Variants in AOPEP observed in about 807,000 individuals in gnomAD.
The protein encoded by AOPEP is aminopeptidase O (putative).
Under a neutral mutation model 98.1 loss-of-function variants are expected in AOPEP, and 77 were observed. The ratio of observed to expected loss-of-function variants is 0.78; its 90% CI spans 0.65 to 0.95. AOPEP has a LOEUF of 0.95. Ranked by LOEUF, AOPEP falls within the 40% of genes least tolerant of loss-of-function variation. The pLI, the probability that AOPEP is intolerant of heterozygous loss-of-function variation, is 0.00. For missense variants in AOPEP, 1,024 were observed against 1,024.7 expected (o/e 1.00, Z 0.01); for synonymous variants, 346 against 365.3 (o/e 0.95, Z 0.60).
At chr9:94,789,935 G>A (rs1248173632) in intron 3 of AOPEP, among the ~76,000 whole-genome samples, 1 of 151,666 alleles carries the variant, frequency 6.6e-6, no homozygotes, top group Non-Finnish European at 1.5e-5. Context: ...GTGCAGTGGC[G>A]CAATCTCGGC....
chr9:95,096,525 C>T, the AOPEP span, among the ~76,000 whole-genome samples: 1 of 152,182 alleles, frequency 6.6e-6, no homozygotes, highest in Admixed American at 6.5e-5. Context: ...CAACAGGCGG[C>T]GGGCTCTCCG....
chr9:95,069,012 C>T (rs2068206615), intron 14 of AOPEP, among the ~76,000 whole-genome samples: 1 of 152,128 alleles, frequency 6.6e-6, no homozygotes, highest in Non-Finnish European at 1.5e-5. Flanking sequence ...TCCCTGTTGC[C>T]TCATGCACCC....
In AOPEP at chr9:94,906,464, T is replaced by TAATAAC. The variant is rs1342085772; in HGVS notation, c.1365-17517_1365-17516insCAATAA. Among the ~76,000 whole-genome samples the TAATAAC allele has an allele frequency of 2.4e-4, 29 of 123,382 alleles. 1 individual carries two copies. Among genetic ancestry groups the TAATAAC allele is most frequent in the Admixed American group, 4.9e-4 (6 of 12,130 alleles). 80.9% of individuals were successfully genotyped at this position (123,382 alleles called of 152,430 possible). On this transcript the variant is annotated intron_variant, in intron 5 of 16. Coordinates refer to ENST00000375315, the MANE Select transcript of AOPEP (RefSeq NM_001193329.3). The stretch of plus-strand genomic sequence containing the variant: ...AGTGAGACCCTGTCTGAAATAATAA[T>TAATAAC]AATAATAATAATAATAATAAAAAAA...
chr9:94,974,835 G>A (rs2059743280), intron 10 of AOPEP, among the ~76,000 whole-genome samples: 1 of 152,182 alleles, frequency 6.6e-6, no homozygotes, highest in African/African-American at 2.4e-5. Flanking sequence ...TCATAGCCAC[G>A]CACCAAAGGT....
intron 10 of AOPEP, among the ~76,000 whole-genome samples, chr9:94,968,527 C>T (rs2059345586): frequency 6.6e-6 from 1 of 151,688 alleles, no homozygotes; most frequent in Non-Finnish European, 1.5e-5. Context: ...CAGGGGTGTG[C>T]CACCACACCC....
At chr9:94,978,390 CA>C (rs572303185) in intron 10 of AOPEP, among the ~76,000 whole-genome samples, 20 of 146,056 alleles carry the variant, frequency 1.4e-4, no homozygotes, top group South Asian at 4.4e-4. Context: ...TTCATTCATT[CA>C]AAAAAAAAAT....
intron 5 of AOPEP, among the ~76,000 whole-genome samples, chr9:94,853,418 C>T (rs1454171389): frequency 2.6e-5 from 4 of 152,048 alleles, no homozygotes; most frequent in East Asian, 1.9e-4. Flanking sequence ...TGAGATTGCG[C>T]CACTGCACTC....
intron 9 of AOPEP, among the ~76,000 whole-genome samples, chr9:94,957,419 G>C (rs1393217811): frequency 6.6e-6 from 1 of 152,136 alleles, no homozygotes. Context: ...TGTTGGCCAG[G>C]CTGGTCTTGA....
At chr9:95,119,645 T>C in the AOPEP span, among the ~76,000 whole-genome samples, 2 of 152,224 alleles carry the variant, frequency 1.3e-5, no homozygotes, top group African/African-American at 4.8e-5. Flanking sequence ...ATTACAGGCA[T>C]GAGCCACCGT....
chr9:95,137,473 G>A, the AOPEP span, among the ~76,000 whole-genome samples: 9 of 152,040 alleles, frequency 5.9e-5, no homozygotes, highest in South Asian at 2.1e-4. Flanking sequence ...GGCAGGCCCC[G>A]TTCCTCATCT....
intron 1 of AOPEP, among the ~76,000 whole-genome samples, chr9:94,747,533 A>G (rs1398236991): frequency 1.3e-5 from 2 of 152,242 alleles, no homozygotes; most frequent in African/African-American, 4.8e-5. Flanking sequence ...AAAGAAAAAT[A>G]AATAGGCATG....
chr9:94,788,430 CTTA>C (rs1844918463), intron 3 of AOPEP, among the ~76,000 whole-genome samples: 1 of 150,710 alleles, frequency 6.6e-6, no homozygotes, highest in African/African-American at 2.4e-5. Flanking sequence ...AAAACTGTGA[CTTA>C]TTATTTCTGT....
At chr9:94,903,153 G>A (rs910697648) in intron 5 of AOPEP, among the ~76,000 whole-genome samples, 4 of 151,524 alleles carry the variant, frequency 2.6e-5, no homozygotes, top group Non-Finnish European at 4.4e-5. Context: ...GCTAATTTTT[G>A]TCTTTTTTGT....
At chr9:94,743,071 C>T (rs1484879760) in intron 1 of AOPEP, among the ~76,000 whole-genome samples, 3 of 151,996 alleles carry the variant, frequency 2.0e-5, no homozygotes, top group Admixed American at 6.6e-5. Context: ...GTTCTGGAGA[C>T]AGGCATGTAA....
intron 11 of AOPEP, among the ~76,000 whole-genome samples, chr9:94,987,182 T>C (rs1052379283): frequency 5.3e-5 from 8 of 152,222 alleles, no homozygotes; most frequent in Non-Finnish European, 1.5e-5. Flanking sequence ...GCTTAATAAT[T>C]CAATAGGAAA....
intron 11 of AOPEP, among the ~76,000 whole-genome samples, chr9:94,997,777 T>C (rs1319341617): frequency 6.6e-6 from 1 of 152,228 alleles, no homozygotes; most frequent in Non-Finnish European, 1.5e-5. Context: ...CACTGGAGCC[T>C]CAAACTCCAG....
chr9:94,814,801 C>G (rs1429909363), intron 5 of AOPEP, among the ~76,000 whole-genome samples: 1 of 152,190 alleles, frequency 6.6e-6, no homozygotes, highest in Non-Finnish European at 1.5e-5. Context: ...GGATTTTGCA[C>G]TGTCGGACGT....
intron 7 of AOPEP, among the ~76,000 whole-genome samples, chr9:94,953,525 G>C (rs1043964774): frequency 6.6e-6 from 1 of 152,142 alleles, no homozygotes; most frequent in Non-Finnish European, 1.5e-5. Context: ...GCCCTTGCTA[G>C]GGGCTTTGCA....
At chr9:94,868,793 A>ATC (rs1188075044) in intron 5 of AOPEP, among the ~76,000 whole-genome samples, 1 of 151,948 alleles carries the variant, frequency 6.6e-6, no homozygotes, top group African/African-American at 2.4e-5. Flanking sequence ...AACCACTATA[A>ATC]TTTTCTATTC....
Sources: allele counts gnomAD v4.1 joint callset (sites outside exome capture counted in the v4.1 genomes callset), GRCh38; gene constraint gnomAD v4.1.1; transcripts MANE v1.5; gene names NCBI Gene and HGNC (gene_info 2026-07-23, HGNC 2026-07-21).